Variants in CUBN observed in about 807,000 individuals in gnomAD.
The protein encoded by CUBN is cubilin.
Under a neutral mutation model 405.3 loss-of-function variants are expected in CUBN, and 282 were observed. The observed-to-expected ratio is 0.70, with a 90% CI of 0.63 to 0.77. The LOEUF is 0.77. Among genes scored for constraint, CUBN ranks in the 30% least tolerant of loss-of-function variants. The pLI is 0.00. For missense variants in CUBN, 4,514 were observed against 4,475.2 expected (o/e 1.01, Z -0.25); for synonymous variants, 1,684 against 1,617.0 (o/e 1.04, Z -0.99).
chr10:16,946,476 T>G (rs1187332995), intron 36 of CUBN, among the ~76,000 whole-genome samples: 1 of 151,094 alleles, frequency 6.6e-6, no homozygotes, highest in Non-Finnish European at 1.5e-5. Flanking sequence ...TTAAAAAAAC[T>G]TCCAAAACCA....
chr10:16,849,467 C>T (rs1393554749), intron 60 of CUBN, among the ~76,000 whole-genome samples: 1 of 152,124 alleles, frequency 6.6e-6, no homozygotes, highest in Non-Finnish European at 1.5e-5. Context: ...TCACCGGAGC[C>T]CCGTTCCATT....
chr10:16,958,499 A>G (rs929422268), intron 31 of CUBN, among the ~76,000 whole-genome samples: 14 of 152,122 alleles, frequency 9.2e-5, no homozygotes, highest in Non-Finnish European at 1.2e-4. Flanking sequence ...GCACTCCATC[A>G]TGGGTGACAG....
At chr10:17,068,849 GTT>G in intron 19 of CUBN, 79 bp from the exon 20 acceptor site, 1 of 1,161,408 alleles carries the variant, frequency 8.6e-7, no homozygotes, top group Non-Finnish European at 1.3e-6. Context: ...TTTCTGAAAT[GTT>G]TTTAATGGAG....
chr10:16,979,198 C>A (rs916486124), intron 31 of CUBN, among the ~76,000 whole-genome samples: 1 of 152,224 alleles, frequency 6.6e-6, no homozygotes, highest in South Asian at 2.1e-4. Flanking sequence ...AGAGAGGACA[C>A]AAACAAATGG....
In CUBN at chr10:17,085,702, A is replaced by G. The variant is rs751139014; in HGVS notation, c.2005T>C (p.Ser669Pro). Residue 669 changes from serine to proline, a missense_variant, in exon 16 of 67, where the codon TCT becomes CCT. This residue lies in a region of CUBN where 1,448 missense variants were observed against 1,388.0 expected (regional missense o/e 1.04). Transcript: ENST00000377833. Reference sequence around the variant, plus strand: ...CCAGTAGTCTGGAGCGGTGGGACAGAGAAAGTGGTGCAGAACTTCCCAAGA... The same window carrying G: ...CCAGTAGTCTGGAGCGGTGGGACAGGGAAAGTGGTGCAGAACTTCCCAAGA... Reference protein sequence around the residue: ...PLLGKFCTTFSVPPLQTTGPF... With the variant: ...PLLGKFCTTFPVPPLQTTGPF... 44 of 1,613,988 alleles carry G rather than the reference A, an allele frequency of 2.7e-5. No homozygotes were observed. Among genetic ancestry groups the G allele is most frequent in the Admixed American group, 2.3e-4 (14 of 60,008 alleles).
At chr10:16,868,155 C>T (rs551418369) in intron 59 of CUBN, among the ~76,000 whole-genome samples, 46 of 152,228 alleles carry the variant, frequency 3.0e-4, no homozygotes, top group Non-Finnish European at 4.9e-4. Flanking sequence ...TCTCACTGCC[C>T]GTGAGACTTG....
At chr10:17,106,068 T>G (rs1251077351) in intron 10 of CUBN, among the ~76,000 whole-genome samples, 1 of 152,168 alleles carries the variant, frequency 6.6e-6, no homozygotes, top group African/African-American at 2.4e-5. Flanking sequence ...GCAGATCACT[T>G]GAGTTCAGGA....
At chr10:17,028,519 G>A (rs183794254) in intron 27 of CUBN, among the ~76,000 whole-genome samples, 153 of 151,536 alleles carry the variant, frequency 1.0e-3, no homozygotes, top group African/African-American at 3.4e-3. Flanking sequence ...CCAGGAGCCC[G>A]AGACCACACT....
chr10:17,067,924 G>A (rs778629695), intron 21 of CUBN, 140 bp downstream of exon 21: 1 of 707,464 alleles, frequency 1.4e-6, no homozygotes, highest in Non-Finnish European at 2.5e-6. Context: ...CTACAGAGTA[G>A]TTATGTAGAA....
intron 28 of CUBN, among the ~76,000 whole-genome samples, chr10:16,992,807 C>G (rs1833632319): frequency 6.6e-6 from 1 of 152,116 alleles, no homozygotes. Context: ...ATTTCTAAAG[C>G]CTACGAAAAA....
rs533930647 is a variant in CUBN, at chr10:16,937,013, G to A, written c.5926+579C>T. On this transcript the variant is annotated intron_variant, in intron 39 of 66. Transcript: ENST00000377833. ...ATTACAGGCATCAGCCACCGCACCC[G>A]GTCTCATTTAAAAATTTTTCAAGAA... 1.6e-4 allele frequency among the ~76,000 whole-genome samples: 24 copies of A among 152,166 alleles called. No homozygotes were observed. In the East Asian group the frequency reaches 2.1e-3, roughly 13 times the overall value.
In CUBN at chr10:17,071,953, A is replaced by G; in HGVS notation, c.2320T>C (p.Leu774=). 1 of 1,612,826 alleles carries G rather than the reference A, an allele frequency of 6.2e-7. No homozygotes were observed. Among genetic ancestry groups the G allele is most frequent in the South Asian group, 1.1e-5 (1 of 91,016 alleles). The change falls in exon 18 of 67, where the codon TTA becomes CTA. Residue 774 remains leucine (L), a synonymous_variant. Transcript: ENST00000377833. ...NYIEVRDGET[L]LGKVCGNGTI... ...CCGTTGCCACAGACTTTTCCAAGTA[A>G]GGTTTCACCATCTCGAACCTAAAGA... is the stretch of plus-strand genomic sequence containing the variant.
At chr10:16,904,199 A>G (rs1344027315) in intron 50 of CUBN, 84 bp from the exon 51 acceptor site, 8 of 1,289,754 alleles carry the variant, frequency 6.2e-6, no homozygotes, top group Non-Finnish European at 9.0e-6. Flanking sequence ...ACAAATTTCA[A>G]GATATTCATT....
intron 14 of CUBN, among the ~76,000 whole-genome samples, chr10:17,089,006 C>T (rs1268513364): frequency 6.6e-6 from 1 of 152,154 alleles, no homozygotes; most frequent in African/African-American, 2.4e-5. Context: ...TTAATACCCA[C>T]ATTTATTTAA....
intron 51 of CUBN, among the ~76,000 whole-genome samples, chr10:16,902,845 G>T (rs1841434435): frequency 6.6e-6 from 1 of 152,084 alleles, no homozygotes; most frequent in Non-Finnish European, 1.5e-5. Flanking sequence ...TTGATGACTG[G>T]GTAGGAGGAG....
rs888514621 is a variant in CUBN at position 17,115,459 on chromosome 10, G to T, written c.720+12C>A. 4.3e-6 allele frequency: 7 copies of T among 1,613,480 alleles called. No homozygotes were observed. The highest frequency in any genetic ancestry group is 5.9e-6 in the Non-Finnish European group (7 of 1,179,896). On this transcript the variant is annotated intron_variant, in intron 7 of 66. Coordinates refer to ENST00000377833, the MANE Select transcript of CUBN (RefSeq NM_001081.4). ...CTCTCTGCAAGGAGGCACATTTGGG[G>T]AAGGGACCCACCTCTCCAGCTTGCT... is the stretch of plus-strand genomic sequence containing the variant.
At chr10:16,960,735 A>T (rs961869754) in intron 31 of CUBN, among the ~76,000 whole-genome samples, 1 of 152,126 alleles carries the variant, frequency 6.6e-6, no homozygotes, top group Non-Finnish European at 1.5e-5. Flanking sequence ...GTAAACACAT[A>T]GTAGACACAA....
intron 66 of CUBN, among the ~76,000 whole-genome samples, chr10:16,826,764 A>G (rs1383789721): frequency 6.6e-6 from 1 of 151,546 alleles, no homozygotes; most frequent in East Asian, 1.9e-4. Flanking sequence ...TTCAGTATAA[A>G]CCTGAACTCG....
At chr10:16,987,806 T>G (rs913394446) in intron 29 of CUBN, among the ~76,000 whole-genome samples, 3 of 152,204 alleles carry the variant, frequency 2.0e-5, no homozygotes, top group African/African-American at 7.2e-5. Context: ...AATGAACATT[T>G]GCAGAAAAGC....
Sources: allele counts gnomAD v4.1 joint callset (sites outside exome capture counted in the v4.1 genomes callset), GRCh38; gene constraint gnomAD v4.1.1; regional missense constraint gnomAD v4.1.1; transcripts MANE v1.5; gene names NCBI Gene and HGNC (gene_info 2026-07-23, HGNC 2026-07-21).